CALCRL: variants seen among roughly 807,000 people sequenced by gnomAD.
CALCRL encodes calcitonin gene-related peptide type 1 receptor.
Under a neutral mutation model 60.4 loss-of-function variants are expected in CALCRL, and 27 were observed. The observed-to-expected ratio is 0.45, with a 90% CI of 0.33 to 0.62. The LOEUF is 0.62. Among genes scored for constraint, CALCRL ranks in the 20% least tolerant of loss-of-function variants. CALCRL has a pLI of 0.03. For missense variants in CALCRL, 424 were observed against 540.7 expected (o/e 0.78, Z 2.14); for synonymous variants, 190 against 182.6 (o/e 1.04, Z -0.33).
Position 187,427,592 on chromosome 2 carries a change from T to C in CALCRL, c.-293+20447A>G, listed in dbSNP as rs577074481. Among the ~76,000 whole-genome samples the C allele has an allele frequency of 2.6e-5, 4 of 152,282 alleles. No individual in the cohort carries two copies. The South Asian group carries it at 8.3e-4, about 32-fold the overall frequency. On this transcript the variant is annotated intron_variant, in intron 1 of 14. Transcript: ENST00000392370. ...ACCTACCATATTAAATAATTGCTATTACATTGGTATCATAATTCCTCTTAT... is the reference window on the plus strand; with the variant it reads ...ACCTACCATATTAAATAATTGCTATCACATTGGTATCATAATTCCTCTTAT...
chr2:187,357,392 C>T (rs1490577850), intron 12 of CALCRL, among the ~76,000 whole-genome samples: 1 of 150,146 alleles, frequency 6.7e-6, no homozygotes, highest in African/African-American at 2.5e-5. Flanking sequence ...TCTCAGCAAA[C>T]TAACACAGGA....
At chr2:187,357,460 A>G (rs911882214) in intron 12 of CALCRL, among the ~76,000 whole-genome samples, 2 of 136,430 alleles carry the variant, frequency 1.5e-5, no homozygotes, top group East Asian at 5.2e-4. Flanking sequence ...CAATGAGAAA[A>G]TATGGACATA....
In CALCRL at chr2:187,378,951, G is replaced by A; in HGVS notation, c.489C>T (p.Phe163=). ...TTAAATTTACTTACTTGAAATAAAA[G>A]AATATGCCAAGCGAGATAAGCAGTG... ...IASLLISLGI[F]FYFKSLSCQR... The change falls in exon 8 of 15, where the codon TTC becomes TTT. Residue 163 remains phenylalanine, a synonymous_variant. Transcript: ENST00000392370. 1 of 1,596,502 alleles carries A rather than the reference G, an allele frequency of 6.3e-7. No individual in the cohort carries two copies. Among genetic ancestry groups the A allele is most frequent in the Non-Finnish European group, 8.6e-7 (1 of 1,166,780 alleles).
chr2:187,401,995 AGAAG>A (rs1688908517), intron 1 of CALCRL, among the ~76,000 whole-genome samples: 1 of 151,312 alleles, frequency 6.6e-6, no homozygotes, highest in South Asian at 2.1e-4. Flanking sequence ...AAGAAGGGAA[AGAAG>A]GAAGGAAGGC....
At chr2:187,405,499 C>G (rs1030922757) in intron 1 of CALCRL, among the ~76,000 whole-genome samples, 1 of 151,884 alleles carries the variant, frequency 6.6e-6, no homozygotes, top group Non-Finnish European at 1.5e-5. Flanking sequence ...TAATAAACAC[C>G]AGTGTTAAAG....
chr2:187,440,075 CA>C (rs1574330453), intron 1 of CALCRL, among the ~76,000 whole-genome samples: 2 of 151,910 alleles, frequency 1.3e-5, no homozygotes, highest in Admixed American at 6.6e-5. Flanking sequence ...AATCTTATAT[CA>C]ATAAAATTAT....
At position 187,343,651 on chromosome 2, in the gene CALCRL, A is replaced by G. The variant is rs1028403070; in HGVS notation, c.*2533T>C. 2 of 151,392 alleles carry G rather than the reference A, an allele frequency of 1.3e-5. No homozygotes were observed. Among genetic ancestry groups the G allele is most frequent in the African/African-American group, 4.8e-5 (2 of 41,330 alleles). 9.4% of individuals were successfully genotyped at this position (151,392 alleles called of 1,614,324 possible). On this transcript the variant is annotated 3_prime_UTR_variant, in exon 15 of 15. Coordinates refer to ENST00000392370, the MANE Select transcript of CALCRL (RefSeq NM_005795.6). Reference sequence around the variant, plus strand: ...AAATTAAAATATGACTTTCACAAGTAATCACAGTAAAATGCAGATCTACAT... The same window carrying G: ...AAATTAAAATATGACTTTCACAAGTGATCACAGTAAAATGCAGATCTACAT...
chr2:187,390,715 A>G (rs895070109), intron 1 of CALCRL, among the ~76,000 whole-genome samples: 3 of 152,106 alleles, frequency 2.0e-5, no homozygotes, highest in Admixed American at 2.0e-4. Flanking sequence ...CTATTCCCTA[A>G]TGATCTGAAA....
intron 8 of CALCRL, 21 bp downstream of exon 8, chr2:187,378,919 A>G: frequency 6.8e-7 from 1 of 1,468,038 alleles, no homozygotes. Flanking sequence ...AATTTTCTTA[A>G]AATATTTTAA....
At chr2:187,419,872 A>G (rs773171574) in intron 1 of CALCRL, among the ~76,000 whole-genome samples, 1 of 152,210 alleles carries the variant, frequency 6.6e-6, no homozygotes, top group East Asian at 1.9e-4. Flanking sequence ...ATAGCATATT[A>G]TGCCATTATA....
chr2:187,405,310 G>A (rs972320766), intron 1 of CALCRL, among the ~76,000 whole-genome samples: 1 of 151,982 alleles, frequency 6.6e-6, no homozygotes, highest in Non-Finnish European at 1.5e-5. Flanking sequence ...TGTAAAGGAG[G>A]CTTTGTGAGC....
At chr2:187,367,401 A>G (rs1047274107) in intron 8 of CALCRL, among the ~76,000 whole-genome samples, 1 of 152,144 alleles carries the variant, frequency 6.6e-6, no homozygotes, top group African/African-American at 2.4e-5. Flanking sequence ...ACAAATGCAG[A>G]CAGATGCTAA....
chr2:187,400,881 G>T (rs1688859579), intron 1 of CALCRL, among the ~76,000 whole-genome samples: 2 of 151,480 alleles, frequency 1.3e-5, no homozygotes, highest in Non-Finnish European at 1.5e-5. Context: ...TAGGACTCAA[G>T]GAGTGTGGCA....
intron 5 of CALCRL, among the ~76,000 whole-genome samples, chr2:187,382,300 A>G (rs1390006949): frequency 6.6e-6 from 1 of 152,324 alleles, no homozygotes; most frequent in East Asian, 1.9e-4. Flanking sequence ...TTAAAATTAC[A>G]AAGTACATTA....
chr2:187,425,584 G>A (rs1690083199), intron 1 of CALCRL, among the ~76,000 whole-genome samples: 1 of 151,898 alleles, frequency 6.6e-6, no homozygotes, highest in Admixed American at 6.6e-5. Flanking sequence ...AGTCACAAAT[G>A]CATTGTACAA....
At chr2:187,433,993 T>C (rs184671083) in intron 1 of CALCRL, among the ~76,000 whole-genome samples, 8 of 151,748 alleles carry the variant, frequency 5.3e-5, no homozygotes, top group Admixed American at 3.3e-4. Flanking sequence ...TCATAAATTA[T>C]TGTAAATGTG....
In CALCRL at chr2:187,375,634, A is replaced by T. The variant is rs112700511; in HGVS notation, c.500+3306T>A. 3.1e-3 allele frequency among the ~76,000 whole-genome samples: 472 copies of T among 152,276 alleles called. 5 individuals carry two copies. The highest frequency in any genetic ancestry group is 0.011 in the African/African-American group (451 of 41,568). Reference sequence around the variant, plus strand: ...TTATTTTAAAAAATATTATTTTTCTAAAAAATTGGCCTATTTATATGTAAA... The same window carrying T: ...TTATTTTAAAAAATATTATTTTTCTTAAAAATTGGCCTATTTATATGTAAA... On this transcript the variant is annotated intron_variant, in intron 8 of 14. Coordinates refer to ENST00000392370, the MANE Select transcript of CALCRL (RefSeq NM_005795.6).
intron 1 of CALCRL, among the ~76,000 whole-genome samples, chr2:187,396,923 C>T (rs528358458): frequency 3.3e-5 from 5 of 151,688 alleles, no homozygotes; most frequent in African/African-American, 1.2e-4. Context: ...ATGTCTAATA[C>T]CAGTTACAAG....
rs1286243908 is a variant in CALCRL, at chr2:187,346,110, T to C, written c.*74A>G. On this transcript the variant is annotated 3_prime_UTR_variant, in exon 15 of 15. Transcript: ENST00000392370. ...AAAGTCATTTAATATTGAAGTCTTC[T>C]GGCTACAGAGTCATGGGTCCAAGTC... 1 of 869,290 alleles carries C rather than the reference T, an allele frequency of 1.2e-6. No individual in the cohort carries two copies. Among genetic ancestry groups the C allele is most frequent in the African/African-American group, 1.7e-5 (1 of 58,260 alleles). The allele number at this position is 869,290 out of a possible 1,614,324, so 53.8% of individuals were successfully genotyped here.
Sources: gnomAD v4.1 joint callset for allele counts (sites outside exome capture counted in the v4.1 genomes callset) on GRCh38, gnomAD v4.1.1 for gene constraint, MANE v1.5 for transcripts, NCBI Gene and HGNC (gene_info 2026-07-23, HGNC 2026-07-21) for gene names.